PCDH9: variants seen among roughly 807,000 people sequenced by gnomAD.
PCDH9 encodes the protein protocadherin 9.
In PCDH9, 24 loss-of-function variants were observed where a neutral mutation model predicts 70.6. That is an observed-to-expected ratio of 0.34 (90% confidence interval 0.25 to 0.48). PCDH9 has a LOEUF of 0.48. Ranked by LOEUF, PCDH9 falls within the 20% of genes least tolerant of loss-of-function variation. The pLI is 0.99. For synonymous variants in PCDH9, 562 were observed against 558.5 expected (o/e 1.01, Z -0.09); for missense variants, 1,281 against 1,503.6 (o/e 0.85, Z 2.45).
intron 3 of PCDH9, among the ~76,000 whole-genome samples, chr13:66,779,837 C>CTATATATA (rs2079961726): frequency 1.2e-4 from 3 of 24,206 alleles, no homozygotes; most frequent in African/African-American, 1.9e-4. Flanking sequence ...CTCTCTCTCT[C>CTATATATA]TCTCTCTCTC....
chr13:66,995,161 A>C (rs1012149934), intron 2 of PCDH9, among the ~76,000 whole-genome samples: 8 of 152,266 alleles, frequency 5.3e-5, no homozygotes, highest in African/African-American at 1.9e-4. Context: ...TTTTTTATTA[A>C]ATGTTAGATA....
chr13:66,694,091 T>A (rs1358925312), intron 3 of PCDH9, among the ~76,000 whole-genome samples: 1 of 152,222 alleles, frequency 6.6e-6, no homozygotes, highest in Non-Finnish European at 1.5e-5. Flanking sequence ...AATGCTTTCA[T>A]ACCATCAGTT....
intron 3 of PCDH9, among the ~76,000 whole-genome samples, chr13:66,812,851 C>G (rs1226431483): frequency 1.3e-5 from 2 of 152,106 alleles, no homozygotes; most frequent in Admixed American, 1.3e-4. Context: ...CAAGTGGTAA[C>G]CTCATGACCT....
intron 4 of PCDH9, among the ~76,000 whole-genome samples, chr13:66,445,086 A>G (rs142086369): frequency 0.014 from 2,012 of 147,048 alleles, 34 homozygotes; most frequent in African/African-American, 0.046. Context: ...TCTATCATAT[A>G]TAATATTATA....
intron 4 of PCDH9, among the ~76,000 whole-genome samples, chr13:66,469,254 C>T (rs77224847): frequency 0.019 from 2,913 of 152,088 alleles, 85 homozygotes; most frequent in African/African-American, 0.065. Flanking sequence ...AGGGTAGTAA[C>T]GTACCTGTTT....
chr13:67,100,766 T>C (rs544991030), intron 2 of PCDH9, among the ~76,000 whole-genome samples: 3 of 152,336 alleles, frequency 2.0e-5, no homozygotes, highest in Admixed American at 1.3e-4. Context: ...CTTGGTTGCT[T>C]GCAAATTGCT....
In PCDH9 at chr13:66,541,251, A is replaced by G. The variant is rs148312604; in HGVS notation, c.3340+89959T>C. ...CTCTCAGATGGCACAAAAGTCATTT[A>G]AGGTTTCTCTGTGGAAGTGTCATTG... On this transcript the variant is annotated intron_variant, in intron 4 of 4. Coordinates refer to ENST00000377865, the MANE Select transcript of PCDH9 (RefSeq NM_203487.3). Among the ~76,000 whole-genome samples the G allele has an allele frequency of 3.3e-5, 5 of 152,298 alleles. No individual in the cohort carries two copies. The East Asian group carries it at 9.6e-4, about 29-fold the overall frequency.
chr13:67,190,248 A>G (rs1012332152), intron 2 of PCDH9, among the ~76,000 whole-genome samples: 2 of 151,998 alleles, frequency 1.3e-5, no homozygotes, highest in African/African-American at 2.4e-5. Flanking sequence ...TATGGGTGCT[A>G]TGCTTCATAT....
intron 2 of PCDH9, among the ~76,000 whole-genome samples, chr13:67,177,541 T>C (rs1326786423): frequency 6.6e-6 from 1 of 152,130 alleles, no homozygotes; most frequent in Non-Finnish European, 1.5e-5. Flanking sequence ...GATAACACTG[T>C]CTTTCCATTT....
At chr13:66,781,169 A>G (rs953994856) in intron 3 of PCDH9, among the ~76,000 whole-genome samples, 1 of 152,208 alleles carries the variant, frequency 6.6e-6, no homozygotes, top group Non-Finnish European at 1.5e-5. Context: ...ACTTCTACTT[A>G]CTTTAAATAT....
At chr13:67,122,772 CAATAATAAT>C (rs56039213) in intron 2 of PCDH9, among the ~76,000 whole-genome samples, 161 of 143,028 alleles carry the variant, frequency 1.1e-3, no homozygotes, top group African/African-American at 1.4e-3. Flanking sequence ...GACTCTGTCT[CAATAATAAT>C]AATAATAATA....
At chr13:67,001,089 G>A (rs1233859232) in intron 2 of PCDH9, among the ~76,000 whole-genome samples, 1 of 152,160 alleles carries the variant, frequency 6.6e-6, no homozygotes, top group African/African-American at 2.4e-5. Flanking sequence ...TCTTGCCAAA[G>A]TCACATAGCT....
At chr13:66,820,980 C>T (rs2080701862) in intron 3 of PCDH9, among the ~76,000 whole-genome samples, 1 of 152,046 alleles carries the variant, frequency 6.6e-6, no homozygotes, top group African/African-American at 2.4e-5. Context: ...TCATGTTCCC[C>T]TGAACTTAAA....
intron 2 of PCDH9, among the ~76,000 whole-genome samples, chr13:66,937,218 T>C (rs188166378): frequency 6.6e-6 from 1 of 152,228 alleles, no homozygotes; most frequent in Non-Finnish European, 1.5e-5. Flanking sequence ...GTGAGAGCCC[T>C]ACGGGATTGG....
chr13:66,846,727 A>G (rs763032567), intron 3 of PCDH9, among the ~76,000 whole-genome samples: 19 of 152,114 alleles, frequency 1.2e-4, no homozygotes, highest in African/African-American at 4.3e-4. Flanking sequence ...TATGACTAAG[A>G]AAGTTTTTTA....
At chr13:66,673,904 A>C (rs10219949) in intron 3 of PCDH9, among the ~76,000 whole-genome samples, 2,488 of 152,278 alleles carry the variant, frequency 0.016, 41 homozygotes, top group Non-Finnish European at 0.029. Flanking sequence ...ATATGGTTGC[A>C]ATTCATTTGT....
chr13:66,880,801 T>C lies in PCDH9; in HGVS notation c.3138+22703A>G, dbSNP rs575796760. On this transcript the variant is annotated intron_variant, in intron 3 of 4. Transcript: ENST00000377865. ...AAGGAACATATTAGGTTATTTCCTT[T>C]AACTTGTCATAATAATTCAAAAAAT... Among the ~76,000 whole-genome samples, 18 of 152,306 alleles carry C rather than the reference T, an allele frequency of 1.2e-4. No individual in the cohort carries two copies. The South Asian group carries it at 2.5e-3, about 21-fold the overall frequency.
chr13:67,087,793 C>T (rs1418557828), intron 2 of PCDH9, among the ~76,000 whole-genome samples: 2 of 152,088 alleles, frequency 1.3e-5, no homozygotes, highest in African/African-American at 4.8e-5. Context: ...ACTTTTGCTT[C>T]CTCTGTTGCC....
At chr13:66,534,996 G>A (rs930980177) in intron 4 of PCDH9, among the ~76,000 whole-genome samples, 1 of 151,874 alleles carries the variant, frequency 6.6e-6, no homozygotes, top group Non-Finnish European at 1.5e-5. Flanking sequence ...GGCTCCCAAA[G>A]TACTAAATGG....
Sources: allele counts gnomAD v4.1 joint callset (sites outside exome capture counted in the v4.1 genomes callset), GRCh38; gene constraint gnomAD v4.1.1; transcripts MANE v1.5; gene names NCBI Gene and HGNC (gene_info 2026-07-23, HGNC 2026-07-21).